VPS39: variants seen among roughly 807,000 people sequenced by gnomAD.
VPS39 encodes the protein vam6/Vps39-like protein.
In VPS39, 70 loss-of-function variants were observed where a neutral mutation model predicts 121.0. That is an observed-to-expected ratio of 0.58 (90% CI 0.48 to 0.71). The LOEUF is 0.71. Ranked by LOEUF, VPS39 falls within the 30% of genes least tolerant of loss-of-function variation. The pLI is 0.00. For synonymous variants in VPS39, 378 were observed against 398.1 expected, an observed-to-expected ratio of 0.95 and a Z score of 0.60; for missense variants, 818 against 1,051.5, an observed-to-expected ratio of 0.78 and a Z score of 3.07.
chr15:42,170,812 A>C (rs2049334156), intron 11 of VPS39, among the ~76,000 whole-genome samples: 2 of 106,782 alleles, frequency 1.9e-5, no homozygotes, highest in South Asian at 6.5e-4. Context: ...GGCTTCTTGT[A>C]GTCTTGACCT....
At position 42,165,787 on chromosome 15, in the gene VPS39, C is replaced by T; in HGVS notation, c.1710G>A (p.Glu570=). 1 of 1,614,196 alleles carries T rather than the reference C, an allele frequency of 6.2e-7. No individual in the cohort carries two copies. The highest frequency in any genetic ancestry group is 8.5e-7 in the Non-Finnish European group (1 of 1,180,032). Residue 570 remains glutamate (E), a synonymous_variant, in exon 17 of 25, where the codon GAG becomes GAA. Coordinates refer to ENST00000318006, the MANE Select transcript of VPS39 (RefSeq NM_015289.5). ...KIFTEDLPEV[E]SLPRDRVLGF... The stretch of plus-strand genomic sequence containing the variant: ...CGAGGACTCGATCACGTGGCAGAGA[C>T]TCCACTTCCGGGAGATCTTCAGTAA...
At position 42,188,005 on chromosome 15, in the gene VPS39, C is replaced by T. The variant is rs900830611; in HGVS notation, c.343-149G>A. ...CCTGCCAGGAAAGCTGAGCAGAACA[C>T]CATTCTCTAAGATGCGCTAAGAAAC... On this transcript the variant is annotated intron_variant, in intron 5 of 24. Coordinates refer to ENST00000318006, the MANE Select transcript of VPS39 (RefSeq NM_015289.5). 4.2e-5 allele frequency: 30 copies of T among 713,932 alleles called. No homozygotes were observed. In the African/African-American group the frequency reaches 4.8e-4, roughly 11 times the overall value. The allele number at this position is 713,932 out of a possible 1,614,324, so 44.2% of individuals were successfully genotyped here.
rs765502878 is a variant in VPS39 at position 42,167,522 on chromosome 15, C to T, written c.1249G>A (p.Val417Ile). The change falls in exon 13 of 25, where the codon GTA (valine) becomes ATA (isoleucine). Residue 417 changes from valine to isoleucine, a missense_variant. Coordinates refer to ENST00000318006, the MANE Select transcript of VPS39 (RefSeq NM_015289.5). Reference protein sequence around the residue: ...DYLTQKRSQLVKKLNDSDHQS... With the variant: ...DYLTQKRSQLIKKLNDSDHQS... ...TGATCAGAGTCATTCAGCTTCTTTA[C>T]CAATTGACTTCGTTTCTGCAAAGGT... 1 of 1,614,062 alleles carries T rather than the reference C, an allele frequency of 6.2e-7. No individual in the cohort carries two copies. Among genetic ancestry groups the T allele is most frequent in the South Asian group, 1.1e-5 (1 of 91,074 alleles).
intron 7 of VPS39, among the ~76,000 whole-genome samples, chr15:42,186,071 C>A (rs1197599948): frequency 6.6e-6 from 1 of 152,034 alleles, no homozygotes; most frequent in East Asian, 1.9e-4. Context: ...GTGACTCCTC[C>A]AGGAGTCTGC....
chr15:42,179,001 T>C (rs2140860127), intron 8 of VPS39: 1 of 157,232 alleles, frequency 6.4e-6, no homozygotes, highest in South Asian at 1.9e-4. Flanking sequence ...AGTGAGATCC[T>C]GACTCTAAAA....
chr15:42,163,855 T>C, intron 19 of VPS39, 127 bp from the exon 20 acceptor site: 1 of 666,578 alleles, frequency 1.5e-6, no homozygotes, highest in African/African-American at 1.8e-5. Flanking sequence ...ATTGCTTGGG[T>C]TTTTCTTCAA....
chr15:42,167,174 C>A (rs1195800178), intron 13 of VPS39, among the ~76,000 whole-genome samples: 12 of 152,220 alleles, frequency 7.9e-5, no homozygotes, highest in Admixed American at 7.9e-4. Context: ...GCAATCCGAC[C>A]AGAGAAGATG....
intron 12 of VPS39, among the ~76,000 whole-genome samples, chr15:42,167,836 C>T (rs1040159769): frequency 6.6e-6 from 1 of 152,166 alleles, no homozygotes; most frequent in Non-Finnish European, 1.5e-5. Context: ...GTGTCAGCTG[C>T]TACATAAGGG....
In VPS39 at chr15:42,163,250, G is replaced by A. The variant is rs957783172; in HGVS notation, c.2175+100C>T. ...GCAAGATCAATCAGAGCCCTGACTCGTGCCCTGTCTTATTCTGCCACTCAT... is the reference window on the plus strand; with the variant it reads ...GCAAGATCAATCAGAGCCCTGACTCATGCCCTGTCTTATTCTGCCACTCAT... On this transcript the variant is annotated intron_variant, in intron 21 of 24. Transcript: ENST00000318006. 1.7e-5 allele frequency: 24 copies of A among 1,403,110 alleles called. No homozygotes were observed. The East Asian group carries it at 3.4e-4, about 20-fold the overall frequency. The allele number at this position is 1,403,110 out of a possible 1,614,324, so 86.9% of individuals were successfully genotyped here.
At chr15:42,190,128 T>A (rs1025529139) in intron 4 of VPS39, among the ~76,000 whole-genome samples, 3 of 152,154 alleles carry the variant, frequency 2.0e-5, no homozygotes, top group Non-Finnish European at 4.4e-5. Flanking sequence ...AGCACTCTTA[T>A]ACTCTGTCCA....
chr15:42,173,773 C>A lies in VPS39; in HGVS notation c.1040G>T (p.Cys347Phe). ...CATGGACTCATCAAAACGCTTCTGGCAGAAGAGGTTGAAGGCATACAAGTT... is the reference window on the plus strand; with the variant it reads ...CATGGACTCATCAAAACGCTTCTGGAAGAAGAGGTTGAAGGCATACAAGTT... ...IKNLYAFNLFCQKRFDESMQV... is the reference protein window; with the variant it reads ...IKNLYAFNLFFQKRFDESMQV... The change falls in exon 11 of 25, where the codon TGC (cysteine) becomes TTC (phenylalanine). Residue 347 changes from cysteine to phenylalanine, a missense_variant. Cys to Phe is a radical substitution (Grantham distance 205, BLOSUM62 -2). Coordinates refer to ENST00000318006, the MANE Select transcript of VPS39 (RefSeq NM_015289.5). 6.2e-7 allele frequency: 1 copy of A among 1,614,172 alleles called. No homozygotes were observed. The highest frequency in any genetic ancestry group is 8.5e-7 in the Non-Finnish European group (1 of 1,180,020).
chr15:42,179,486 A>T (rs1395535542), intron 8 of VPS39, among the ~76,000 whole-genome samples: 4 of 151,316 alleles, frequency 2.6e-5, no homozygotes, highest in Non-Finnish European at 5.9e-5. Context: ...CTGAGGCAGG[A>T]GAATGGCGTG....
chr15:42,202,315 G>A (rs1256765266), intron 1 of VPS39, among the ~76,000 whole-genome samples: 2 of 152,126 alleles, frequency 1.3e-5, no homozygotes, highest in Admixed American at 1.3e-4. Flanking sequence ...TAAAGGAAAG[G>A]CAGGTCACAC....
chr15:42,189,538 G>A (rs774849665), intron 4 of VPS39, among the ~76,000 whole-genome samples: 4 of 152,008 alleles, frequency 2.6e-5, no homozygotes, highest in Non-Finnish European at 4.4e-5. Context: ...AGACCAGCCT[G>A]GGTAACACAG....
chr15:42,173,739 A>G lies in VPS39; in HGVS notation c.1074T>C (p.Phe358=), dbSNP rs2049392370. The G allele has an allele frequency of 6.2e-7, 1 of 1,613,946 alleles. No homozygotes were observed. Among genetic ancestry groups the G allele is most frequent in the African/African-American group, 1.3e-5 (1 of 74,924 alleles). Reference sequence around the variant, plus strand: ...ACTTGTTACCTGTGCCAAGTTTAGCAAAGACCTGCATGGACTCATCAAAAC... The same window carrying G: ...ACTTGTTACCTGTGCCAAGTTTAGCGAAGACCTGCATGGACTCATCAAAAC... ...QKRFDESMQV[F]AKLGTDPTHV... is the part of the protein sequence containing the mutation. The change falls in exon 11 of 25, where the codon TTT becomes TTC. Residue 358 remains phenylalanine, a synonymous_variant. Coordinates refer to ENST00000318006, the MANE Select transcript of VPS39 (RefSeq NM_015289.5).
intron 24 of VPS39, 33 bp from the exon 25 acceptor site, chr15:42,160,862 C>A (rs1373573205): frequency 6.2e-7 from 1 of 1,610,506 alleles, no homozygotes; most frequent in Non-Finnish European, 8.5e-7. Context: ...GGAGTGAGGA[C>A]TGCTTCTAAG....
intron 1 of VPS39, among the ~76,000 whole-genome samples, chr15:42,200,988 T>G (rs373607571): frequency 5.9e-4 from 89 of 152,090 alleles, no homozygotes; most frequent in African/African-American, 2.1e-3. Context: ...ATGTCCAGAG[T>G]AGGCAAATCC....
intron 15 of VPS39, 103 bp from the exon 16 acceptor site, chr15:42,166,335 A>G: frequency 1.5e-6 from 2 of 1,318,158 alleles, no homozygotes; most frequent in Non-Finnish European, 2.2e-6. Flanking sequence ...TCCTGAAAAG[A>G]CAGCTCAAGC....
At chr15:42,184,429 T>G (rs2049655855) in intron 8 of VPS39, 88 bp downstream of exon 8, 8 of 1,392,836 alleles carry the variant, frequency 5.7e-6, no homozygotes, top group Non-Finnish European at 7.7e-6. Context: ...TAAACCAGTC[T>G]GCTAAAGCTA....
Sources: gnomAD v4.1 joint callset for allele counts (sites outside exome capture counted in the v4.1 genomes callset) on GRCh38, gnomAD v4.1.1 for gene constraint, MANE v1.5 for transcripts, NCBI Gene and HGNC (gene_info 2026-07-23, HGNC 2026-07-21) for gene names.